The following TRHDE variants were observed in gnomAD, a reference collection of about 807,000 sequenced individuals.
TRHDE encodes thyrotropin releasing hormone degrading enzyme.
In TRHDE, 72 loss-of-function variants were observed where a neutral mutation model predicts 125.7. That is an observed-to-expected ratio of 0.57 (90% confidence interval 0.47 to 0.70). The LOEUF (loss-of-function observed/expected upper bound fraction) is 0.70, where lower values mean the gene tolerates loss of function less well. Ranked by LOEUF, TRHDE falls within the 30% of genes least tolerant of loss-of-function variation. TRHDE has a pLI of 0.00. For synonymous variants in TRHDE, 509 were observed against 509.1 expected (o/e 1.00, Z 0.00); for missense variants, 1,110 against 1,327.1 (o/e 0.84, Z 2.54).
chr12:72,597,713 G>GTGTA (rs1872016220), intron 12 of TRHDE, among the ~76,000 whole-genome samples: 1 of 18,482 alleles, frequency 5.4e-5, no homozygotes, highest in Non-Finnish European at 9.1e-5. Flanking sequence ...GTGTGTGTAT[G>GTGTA]TATATATATA....
intron 2 of TRHDE, among the ~76,000 whole-genome samples, chr12:72,170,731 A>G (rs11179098): frequency 0.058 from 8,829 of 152,232 alleles, 437 homozygotes; most frequent in African/African-American, 0.13. Context: ...CTTTAAGAAT[A>G]ACTAATCTTG....
Position 72,373,207 on chromosome 12 carries a change from A to G in TRHDE, c.1189-4788A>G, listed in dbSNP as rs578099912. ...CTCTCTGTTTGTCTGTTATTGGTGT[A>G]TAAGAATGCTTGTGATTTTTGTACA... On this transcript the variant is annotated intron_variant, in intron 2 of 18. Coordinates refer to ENST00000261180, the MANE Select transcript of TRHDE (RefSeq NM_013381.3). Among the ~76,000 whole-genome samples the G allele has an allele frequency of 7.9e-5, 12 of 152,316 alleles. No homozygotes were observed. In the East Asian group the frequency reaches 1.4e-3, roughly 17 times the overall value.
At chr12:72,383,370 ATTTTT>A (rs552559387) in intron 3 of TRHDE, among the ~76,000 whole-genome samples, 1 of 100,946 alleles carries the variant, frequency 9.9e-6, no homozygotes, top group Non-Finnish European at 1.9e-5. Context: ...AACCCATTTA[ATTTTT>A]TTTTTTTTTT....
intron 2 of TRHDE, among the ~76,000 whole-genome samples, chr12:72,347,678 G>A (rs1268525361): frequency 2.6e-5 from 4 of 151,984 alleles, no homozygotes; most frequent in Admixed American, 6.6e-5. Context: ...ATTGGCTGGA[G>A]GCTGCCCTGA....
intron 2 of TRHDE, among the ~76,000 whole-genome samples, chr12:72,246,897 C>G (rs1455003837): frequency 6.6e-6 from 1 of 152,176 alleles, no homozygotes; most frequent in Non-Finnish European, 1.5e-5. Flanking sequence ...TTCTTTTACT[C>G]TCTGACACAA....
Position 72,469,915 on chromosome 12 carries a change from A to G in TRHDE, c.1470+3A>G. 1 of 1,613,444 alleles carries G rather than the reference A, an allele frequency of 6.2e-7. No homozygotes were observed. The highest frequency in any genetic ancestry group is 8.5e-7 in the Non-Finnish European group (1 of 1,179,764). Reference sequence around the variant, plus strand: ...TTGTTCATGAGATATGTCACCAGGTATGAGAAAAAGAATCAGGTGTAAGTA... The same window carrying G: ...TTGTTCATGAGATATGTCACCAGGTGTGAGAAAAAGAATCAGGTGTAAGTA... On this transcript the variant is annotated splice_donor_region_variant and intron_variant, in intron 4 of 18. Coordinates refer to ENST00000261180, the MANE Select transcript of TRHDE (RefSeq NM_013381.3).
chr12:72,146,500 T>G (rs1399318879), intron 2 of TRHDE, among the ~76,000 whole-genome samples: 2 of 152,238 alleles, frequency 1.3e-5, no homozygotes, highest in Admixed American at 1.3e-4. Flanking sequence ...TGGGTAGAAC[T>G]AAATTAATGG....
chr12:72,406,527 T>C (rs1873272524), intron 3 of TRHDE, among the ~76,000 whole-genome samples: 1 of 152,168 alleles, frequency 6.6e-6, no homozygotes, highest in South Asian at 2.1e-4. Flanking sequence ...ATCTTTTTGG[T>C]GAGGGTGAAT....
chr12:72,513,760 G>A (rs918503170), intron 6 of TRHDE, among the ~76,000 whole-genome samples: 2 of 151,892 alleles, frequency 1.3e-5, no homozygotes, highest in Non-Finnish European at 2.9e-5. Context: ...AAGCAGGAGA[G>A]TTTAAGCACG....
chr12:72,350,264 C>T (rs1870522485), intron 2 of TRHDE, among the ~76,000 whole-genome samples: 1 of 151,918 alleles, frequency 6.6e-6, no homozygotes, highest in Non-Finnish European at 1.5e-5. Flanking sequence ...ACAACCTTTC[C>T]TTCTTAAACA....
intron 2 of TRHDE, among the ~76,000 whole-genome samples, chr12:72,325,560 GA>G (rs1015394587): frequency 2.2e-4 from 33 of 151,360 alleles, no homozygotes; most frequent in Non-Finnish European, 3.5e-4. Flanking sequence ...ATTTCATAGA[GA>G]AAAAAAAGGT....
intron 2 of TRHDE, among the ~76,000 whole-genome samples, chr12:72,304,520 A>T (rs1288673318): frequency 6.6e-6 from 1 of 152,172 alleles, no homozygotes; most frequent in Non-Finnish European, 1.5e-5. Context: ...GATTTCTATG[A>T]ATATATAGGC....
chr12:72,475,647 G>A (rs1052957917), intron 5 of TRHDE, among the ~76,000 whole-genome samples: 1 of 152,128 alleles, frequency 6.6e-6, no homozygotes, highest in Admixed American at 6.5e-5. Flanking sequence ...AACACAGAGT[G>A]TAAATAAGAC....
At chr12:72,380,645 A>T (rs867808518) in intron 3 of TRHDE, among the ~76,000 whole-genome samples, 4 of 152,104 alleles carry the variant, frequency 2.6e-5, no homozygotes, top group African/African-American at 9.7e-5. Flanking sequence ...AGTAGATGAC[A>T]CGGTCAAGGA....
At chr12:72,589,552 C>G (rs1871583038) in intron 12 of TRHDE, among the ~76,000 whole-genome samples, 1 of 152,070 alleles carries the variant, frequency 6.6e-6, no homozygotes, top group South Asian at 2.1e-4. Context: ...CCATGTGAGC[C>G]TGAAATTCTC....
intron 2 of TRHDE, among the ~76,000 whole-genome samples, chr12:72,243,885 A>G (rs1878527109): frequency 6.6e-6 from 1 of 152,148 alleles, no homozygotes. Flanking sequence ...TGTAGAAAAT[A>G]TTTTTAGCTT....
chr12:72,493,479 C>T lies in TRHDE; in HGVS notation c.1585-6019C>T, dbSNP rs1163544830. Among the ~76,000 whole-genome samples, 4 of 151,800 alleles carry T rather than the reference C, an allele frequency of 2.6e-5. No individual in the cohort carries two copies. The South Asian group carries it at 8.3e-4, about 31-fold the overall frequency. On this transcript the variant is annotated intron_variant, in intron 5 of 18. Coordinates refer to ENST00000261180, the MANE Select transcript of TRHDE (RefSeq NM_013381.3). The stretch of plus-strand genomic sequence containing the variant: ...CAAAGGTAAAGCACATATTGTGTGC[C>T]ATTTGTGCACAATTATGCAATGTTG...
At chr12:72,112,958 T>C (rs1875355092) in intron 2 of TRHDE, among the ~76,000 whole-genome samples, 2 of 152,182 alleles carry the variant, frequency 1.3e-5, no homozygotes, top group Non-Finnish European at 2.9e-5. Context: ...TAGCCAGTAA[T>C]GTATGACCTG....
At chr12:72,380,066 C>T (rs890369708) in intron 3 of TRHDE, among the ~76,000 whole-genome samples, 2 of 152,168 alleles carry the variant, frequency 1.3e-5, no homozygotes, top group Non-Finnish European at 1.5e-5. Context: ...CTATAGAAAC[C>T]AGCTTAGTAT....
Sources: gnomAD v4.1 joint callset for allele counts (sites outside exome capture counted in the v4.1 genomes callset) on GRCh38, gnomAD v4.1.1 for gene constraint, MANE v1.5 for transcripts, NCBI Gene and HGNC (gene_info 2026-07-23, HGNC 2026-07-21) for gene names.